Variants in CFAP46 observed in about 807,000 individuals in gnomAD.
CFAP46 encodes the protein cilia- and flagella-associated protein 46.
In CFAP46, 245 loss-of-function variants were observed where a neutral mutation model predicts 325.7. The observed-to-expected ratio is 0.75, with a 90% CI of 0.68 to 0.84. CFAP46 has a LOEUF of 0.84. CFAP46 is among the 40% of genes least tolerant of loss of function. The probability of loss-of-function intolerance (pLI) is 0.00; values close to 1 mark genes in which losing one functional copy is unlikely to be tolerated. For synonymous variants in CFAP46, 1,523 were observed against 1,495.9 expected, an observed-to-expected ratio of 1.02 and a Z score of -0.42; for missense variants, 3,346 against 3,543.0, an observed-to-expected ratio of 0.94 and a Z score of 1.41.
At chr10:132,819,816 T>TTGAC (rs1847761145) in intron 50 of CFAP46, among the ~76,000 whole-genome samples, 1 of 152,206 alleles carries the variant, frequency 6.6e-6, no homozygotes, top group Non-Finnish European at 1.5e-5. Context: ...TAAAAGCTCC[T>TTGAC]TGACTGGGTC....
intron 40 of CFAP46, among the ~76,000 whole-genome samples, chr10:132,850,714 T>C (rs1848524310): frequency 6.6e-6 from 1 of 152,208 alleles, no homozygotes; most frequent in South Asian, 2.1e-4. Flanking sequence ...TTTCATGAAG[T>C]CTCAGAAAAC....
rs114399734 is a variant in CFAP46 at position 132,841,141 on chromosome 10, G to A, written c.6439-4227C>T. Among the ~76,000 whole-genome samples, 660 of 152,230 alleles carry A rather than the reference G, an allele frequency of 4.3e-3. 4 individuals carry two copies. The highest frequency in any genetic ancestry group is 0.015 in the African/African-American group (618 of 41,534). On this transcript the variant is annotated intron_variant, in intron 44 of 57. Coordinates refer to ENST00000368586, the MANE Select transcript of CFAP46 (RefSeq NM_001200049.3). ...ATACAAATAGATTCCTACAAACCCCGTAGCCCCAAAGTCTTAACTTGTTCC... is the reference window on the plus strand; with the variant it reads ...ATACAAATAGATTCCTACAAACCCCATAGCCCCAAAGTCTTAACTTGTTCC...
At position 132,837,640 on chromosome 10, in the gene CFAP46, C is replaced by T. The variant is rs112325077; in HGVS notation, c.6439-726G>A. Among the ~76,000 whole-genome samples the T allele has an allele frequency of 2.6e-4, 38 of 144,436 alleles. 1 individual carries two copies. The highest frequency in any genetic ancestry group is 1.4e-3 in the East Asian group (7 of 4,856). 94.8% of individuals were successfully genotyped at this position (144,436 alleles called of 152,430 possible). A position where few individuals can be genotyped will look rare whatever the true frequency, so the allele number is the denominator to read the frequency against. On this transcript the variant is annotated intron_variant, in intron 44 of 57. Transcript: ENST00000368586. ...GTACACAGACATGCACGGACACACACGCACACGTACACAGATGCACACAGA... is the reference window on the plus strand; with the variant it reads ...GTACACAGACATGCACGGACACACATGCACACGTACACAGATGCACACAGA...
At chr10:132,820,940 T>G in intron 50 of CFAP46, among the ~76,000 whole-genome samples, 1 of 98,326 alleles carries the variant, frequency 1.0e-5, no homozygotes, top group Non-Finnish European at 2.2e-5. Context: ...TGTGCGCTGA[T>G]GTGTGCTGTG....
At chr10:132,815,424 C>T (rs1205406782) in intron 50 of CFAP46, among the ~76,000 whole-genome samples, 1 of 152,220 alleles carries the variant, frequency 6.6e-6, no homozygotes, top group Non-Finnish European at 1.5e-5. Context: ...GGGCCCACTG[C>T]CTGACCGCCT....
At position 132,936,993 on chromosome 10, in the gene CFAP46, C is replaced by T; in HGVS notation, c.723G>A (p.Leu241=). 6.5e-7 allele frequency: 1 copy of T among 1,545,292 alleles called. No individual in the cohort carries two copies. The highest frequency in any genetic ancestry group is 8.8e-7 in the Non-Finnish European group (1 of 1,136,426). The part of the protein sequence containing the change: ...LKEEKKNSIS[L]SVTFYINMLK... ...GCATATTAATATAGAAAGTGACTGA[C>T]AGGCTAATGGAATTTTTCTTTTCTT... The change falls in exon 7 of 58, where the codon CTG becomes CTA. Residue 241 remains leucine (L), a synonymous_variant. Transcript: ENST00000368586.
chr10:132,848,527 G>C (rs1848479613), intron 41 of CFAP46, among the ~76,000 whole-genome samples: 1 of 150,658 alleles, frequency 6.6e-6, no homozygotes, highest in Non-Finnish European at 1.5e-5. Context: ...AACACGGTGG[G>C]CTCCGAGGGA....
chr10:132,835,133 A>G (rs1460641610), intron 47 of CFAP46, among the ~76,000 whole-genome samples, 171 bp downstream of exon 47: 1 of 152,180 alleles, frequency 6.6e-6, no homozygotes, highest in Non-Finnish European at 1.5e-5. Context: ...TTCTCCCCCC[A>G]CATGGAGCTT....
At chr10:132,887,720 TC>T in intron 25 of CFAP46, among the ~76,000 whole-genome samples, 1 of 91,234 alleles carries the variant, frequency 1.1e-5, no homozygotes, top group African/African-American at 4.5e-5. Flanking sequence ...TCCGCTCCTC[TC>T]TCTCTCCTCT....
intron 22 of CFAP46, among the ~76,000 whole-genome samples, chr10:132,904,962 C>A (rs1015908322): frequency 2.0e-5 from 3 of 152,170 alleles, no homozygotes; most frequent in African/African-American, 7.2e-5. Context: ...CCACCTATCA[C>A]CTTGGCACCT....
intron 56 of CFAP46, 65 bp downstream of exon 56, chr10:132,810,885 A>T (rs1220188332): frequency 6.9e-7 from 1 of 1,456,380 alleles, no homozygotes; most frequent in East Asian, 2.5e-5. Context: ...TGTGGGTCCC[A>T]CGCCCGTCTG....
intron 38 of CFAP46, among the ~76,000 whole-genome samples, 191 bp downstream of exon 38, chr10:132,858,880 A>G (rs1217296072): frequency 3.9e-5 from 6 of 152,066 alleles, no homozygotes; most frequent in Admixed American, 1.3e-4. Context: ...GGCTCCCCCG[A>G]CGGGGAGGGC....
At position 132,921,977 on chromosome 10, in the gene CFAP46, G is replaced by A. The variant is rs369561993; in HGVS notation, c.1606+127C>T. ...GGGCCGAGATCGAAGGACACTGCCG[G>A]TGCAAGGTCCTTGTGCATCCAGGGG... On this transcript the variant is annotated intron_variant, in intron 13 of 57. Transcript: ENST00000368586. The A allele has an allele frequency of 9.8e-6, 12 of 1,218,346 alleles. No individual in the cohort carries two copies. The African/African-American group carries it at 1.5e-4, about 16-fold the overall frequency. The allele number at this position is 1,218,346 out of a possible 1,614,324, so 75.5% of individuals were successfully genotyped here. A position where few individuals can be genotyped will look rare whatever the true frequency, so the allele number is the denominator to read the frequency against.
At chr10:132,875,985 T>A (rs949204243) in intron 31 of CFAP46, among the ~76,000 whole-genome samples, 1 of 152,196 alleles carries the variant, frequency 6.6e-6, no homozygotes, top group African/African-American at 2.4e-5. Flanking sequence ...CTCATGTGAT[T>A]TTCCAGAATA....
At chr10:132,865,631 G>A (rs1286300062) in intron 35 of CFAP46, among the ~76,000 whole-genome samples, 3 of 152,138 alleles carry the variant, frequency 2.0e-5, no homozygotes, top group Admixed American at 1.3e-4. Context: ...AGGCAGCCCC[G>A]CACACAATCC....
chr10:132,849,518 G>A (rs1848499184), intron 41 of CFAP46, among the ~76,000 whole-genome samples: 1 of 152,202 alleles, frequency 6.6e-6, no homozygotes, highest in Non-Finnish European at 1.5e-5. Context: ...GGGAGGAGCT[G>A]GCATCTGCAC....
intron 25 of CFAP46, among the ~76,000 whole-genome samples, chr10:132,887,539 CT>C (rs1428636860): frequency 1.9e-5 from 2 of 105,078 alleles, no homozygotes; most frequent in East Asian, 6.8e-4. Flanking sequence ...CTCCTCTCCC[CT>C]CTTCTCTCCT....
rs997514688 is a variant in CFAP46 at position 132,817,911 on chromosome 10, C to A, written c.7118-2997G>T. 3.9e-5 allele frequency among the ~76,000 whole-genome samples: 6 copies of A among 152,210 alleles called. No individual in the cohort carries two copies. Among genetic ancestry groups the A allele is most frequent in the East Asian group, 1.9e-4 (1 of 5,198 alleles). On this transcript the variant is annotated intron_variant, in intron 50 of 57. Coordinates refer to ENST00000368586, the MANE Select transcript of CFAP46 (RefSeq NM_001200049.3). This position sits in a 1 kb window ranked among gnomAD's most constrained non-coding sequence, Gnocchi z 4.4. ...CTGCCTGGAGGCTCCCGGGGAGAAT[C>A]CTCTCCTGGCTCCTGGCCACGCCCT...
intron 11 of CFAP46, among the ~76,000 whole-genome samples, chr10:132,923,673 A>G (rs1388174124): frequency 6.6e-6 from 1 of 152,202 alleles, no homozygotes; most frequent in Non-Finnish European, 1.5e-5. Flanking sequence ...AAGCAGTTCT[A>G]GACACAGCTG....
Sources: allele counts gnomAD v4.1 joint callset (sites outside exome capture counted in the v4.1 genomes callset), GRCh38; gene constraint gnomAD v4.1.1; non-coding constraint Gnocchi (gnomAD v3.1); transcripts MANE v1.5; gene names NCBI Gene and HGNC (gene_info 2026-07-23, HGNC 2026-07-21).